Variants in XIST observed in about 807,000 individuals in gnomAD.
XIST encodes the protein X inactive specific transcript (non-protein coding).
rs142303653 is a variant in XIST, at chrX:73,842,484, G to A, written n.10240C>T. 10,472 of 551,834 alleles carry A rather than the reference G, an allele frequency of 0.019. 111 individuals are homozygous for A. The highest frequency in any genetic ancestry group is 0.024 in the Non-Finnish European group (7,353 of 306,524). 45.5% of individuals were successfully genotyped at this position (551,834 alleles called of 1,213,427 possible). ...CAGAATCTGACAATAATTGAAACTA[G>A]GATCATTAATAAATGAAAGAAAATG... On this transcript the variant is annotated non_coding_transcript_exon_variant, in exon 1 of 6. Transcript: ENST00000429829.
At chrX:73,850,450 A>T in exon 1 of XIST, 1 of 545,507 alleles carries the variant, frequency 1.8e-6, no homozygotes, top group South Asian at 2.3e-5. Flanking sequence ...CAAACCACAA[A>T]ATCAGACTGT....
exon 1 of XIST, chrX:73,843,519 A>G (rs770308117): frequency 9.0e-6 from 5 of 557,281 alleles, no homozygotes. Context: ...AAAAGGGTTC[A>G]TTCATAATTA....
chrX:73,849,246 A>T (rs769743987), exon 1 of XIST: 2 of 559,143 alleles, frequency 3.6e-6, no homozygotes, highest in East Asian at 6.5e-5. Flanking sequence ...CAAAAAGCGC[A>T]GTAGGGTGCC....
At chrX:73,841,660 ATATT>A (rs749737230) in exon 1 of XIST, 79 of 545,274 alleles carry the variant, frequency 1.4e-4, no homozygotes, top group Non-Finnish European at 2.3e-4. Context: ...ATCCAAAAGA[ATATT>A]TAATTTTGGC....
exon 1 of XIST, chrX:73,845,748 T>C (rs1410548460): frequency 1.8e-6 from 1 of 547,872 alleles, no homozygotes; most frequent in East Asian, 3.3e-5. Flanking sequence ...TTGTGCACCT[T>C]GATTGTCCAA....
exon 6 of XIST, chrX:73,821,088 C>T (rs1177061236): frequency 3.6e-6 from 2 of 556,984 alleles, no homozygotes; most frequent in Middle Eastern, 3.1e-4. Flanking sequence ...ATCCATTCCC[C>T]ATCCCCAGCT....
chrX:73,835,509 T>C (rs182893010), intron 2 of XIST, among the ~76,000 whole-genome samples: 317 of 112,224 alleles, frequency 2.8e-3, no homozygotes, highest in South Asian at 5.6e-3. Context: ...AGTAGTGCCA[T>C]ATTTGCATTT....
intron 4 of XIST, among the ~76,000 whole-genome samples, chrX:73,829,725 G>A (rs1391049391): frequency 9.5e-6 from 1 of 105,110 alleles, no homozygotes; most frequent in East Asian, 3.0e-4. Context: ...GGGAGGCAGA[G>A]GTTGCAGTGA....
intron 4 of XIST, among the ~76,000 whole-genome samples, chrX:73,829,925 A>C (rs943258330): frequency 1.8e-5 from 2 of 110,969 alleles, no homozygotes; most frequent in Non-Finnish European, 3.8e-5. Flanking sequence ...GGTCTTCCCA[A>C]TGTTTAAGGC....
chrX:73,827,272 C>T (rs1353916768), exon 6 of XIST: 4 of 556,227 alleles, frequency 7.2e-6, no homozygotes, highest in Non-Finnish European at 9.7e-6. Context: ...GGTTAGGAAG[C>T]CCCTCTGCCA....
At chrX:73,826,974 T>A in exon 6 of XIST, 1 of 559,035 alleles carries the variant, frequency 1.8e-6, no homozygotes, top group Non-Finnish European at 3.2e-6. Context: ...CACCCTCTGT[T>A]TTCTTGGCTC....
exon 1 of XIST, chrX:73,844,575 AT>A: frequency 1.8e-6 from 1 of 559,243 alleles, no homozygotes; most frequent in Non-Finnish European, 3.2e-6. Flanking sequence ...GTGCACCTTG[AT>A]TGTCCAAATG....
chrX:73,845,420 G>C (rs1435998076), exon 1 of XIST: 4 of 553,777 alleles, frequency 7.2e-6, no homozygotes, highest in Admixed American at 4.5e-5. Flanking sequence ...CAAGGTGAGT[G>C]CCTATGCTCA....
intron 2 of XIST, among the ~76,000 whole-genome samples, chrX:73,834,709 G>A (rs997019017): frequency 1.8e-5 from 2 of 111,382 alleles, no homozygotes; most frequent in Non-Finnish European, 3.8e-5. Context: ...ACATAGGCCA[G>A]GCGCAGTGGC....
Position 73,846,997 on chromosome X carries a change from AAGTAC to A in XIST, n.5722_5726del, listed in dbSNP as rs1922789293. The A allele has an allele frequency of 2.5e-5, 14 of 559,339 alleles. No homozygotes were observed. The East Asian group carries it at 4.5e-4, about 18-fold the overall frequency. 46.1% of individuals were successfully genotyped at this position (559,339 alleles called of 1,213,427 possible). On this transcript the variant is annotated non_coding_transcript_exon_variant, in exon 1 of 6. Transcript: ENST00000429829. The stretch of plus-strand genomic sequence containing the variant: ...ATTGATTAGCACTCTCTGCTTTGAT[AAGTAC>A]AGGAGTCCTGATAAAAGGCACAACT...
intron 4 of XIST, among the ~76,000 whole-genome samples, chrX:73,830,156 A>G (rs1035598372): frequency 3.6e-5 from 4 of 111,205 alleles, no homozygotes; most frequent in Non-Finnish European, 7.5e-5. Context: ...AGAAGAAGAA[A>G]AAGAAAATTC....
At chrX:73,842,333 C>T in exon 1 of XIST, 1 of 554,502 alleles carries the variant, frequency 1.8e-6, no homozygotes, top group East Asian at 3.3e-5. Context: ...CCTGGGGAGA[C>T]AATTTTATAG....
exon 1 of XIST, chrX:73,848,205 T>A (rs1201955640): frequency 1.8e-6 from 1 of 556,917 alleles, no homozygotes; most frequent in Non-Finnish European, 3.2e-6. Context: ...GCATTAACAG[T>A]CCCAAGTACC....
chrX:73,852,303 A>G (rs1383964531), exon 1 of XIST: 1 of 539,925 alleles, frequency 1.9e-6, no homozygotes, highest in African/African-American at 2.3e-5. Flanking sequence ...GGCGAATAAA[A>G]AAGAATTAAA....
Sources: allele counts gnomAD v4.1 joint callset (sites outside exome capture counted in the v4.1 genomes callset), GRCh38; gene constraint gnomAD v4.1.1; transcripts MANE v1.5; gene names NCBI Gene and HGNC (gene_info 2026-07-23, HGNC 2026-07-21).